The following SORCS2 variants were observed in gnomAD, a reference collection of about 807,000 sequenced individuals.
SORCS2 encodes VPS10 domain-containing receptor SorCS2.
In SORCS2, 100 loss-of-function variants were observed where a neutral mutation model predicts 141.6. The observed-to-expected ratio is 0.71, with a 90% CI of 0.60 to 0.83. The LOEUF (loss-of-function observed/expected upper bound fraction) is 0.83. Among genes scored for constraint, SORCS2 ranks in the 40% least tolerant of loss-of-function variants. SORCS2 has a pLI of 0.00. For missense variants in SORCS2, 1,646 were observed against 1,560.2 expected (o/e 1.05, Z -0.93); for synonymous variants, 789 against 676.9 (o/e 1.17, Z -2.57).
intron 1 of SORCS2, among the ~76,000 whole-genome samples, chr4:7,388,774 A>G (rs1445529005): frequency 6.6e-6 from 1 of 152,208 alleles, no homozygotes; most frequent in Non-Finnish European, 1.5e-5. Context: ...CGGCTCCGAC[A>G]CATCCTTTTT....
chr4:7,207,382 G>A (rs1438768346), intron 1 of SORCS2, among the ~76,000 whole-genome samples: 1 of 152,212 alleles, frequency 6.6e-6, no homozygotes, highest in Non-Finnish European at 1.5e-5. Flanking sequence ...GAGTCACCGG[G>A]CTGCTCTCTG....
At chr4:7,590,060 TA>T (rs1441579284) in intron 3 of SORCS2, among the ~76,000 whole-genome samples, 2 of 152,142 alleles carry the variant, frequency 1.3e-5, no homozygotes, top group African/African-American at 4.8e-5. Context: ...AATGGCTATT[TA>T]TTGCTGTTGC....
At chr4:7,639,561 G>C (rs951750221) in intron 4 of SORCS2, among the ~76,000 whole-genome samples, 1 of 150,746 alleles carries the variant, frequency 6.6e-6, no homozygotes, top group African/African-American at 2.4e-5. Flanking sequence ...GTGTGACTGT[G>C]GGTGCATGTG....
intron 2 of SORCS2, among the ~76,000 whole-genome samples, chr4:7,468,189 T>C (rs971078246): frequency 6.6e-6 from 1 of 152,220 alleles, no homozygotes; most frequent in African/African-American, 2.4e-5. Flanking sequence ...TAAGTACTGA[T>C]TACAAGGCTT....
At chr4:7,576,180 C>G (rs1715738124) in intron 3 of SORCS2, among the ~76,000 whole-genome samples, 1 of 152,214 alleles carries the variant, frequency 6.6e-6, no homozygotes, top group South Asian at 2.1e-4. Context: ...CTCCTTCTGA[C>G]CAAAGCCATG....
At chr4:7,446,073 C>G (rs1000985735) in intron 2 of SORCS2, among the ~76,000 whole-genome samples, 4 of 151,888 alleles carry the variant, frequency 2.6e-5, no homozygotes, top group African/African-American at 9.7e-5. Flanking sequence ...TCCTTCCTTC[C>G]TCCCTGTCTT....
At chr4:7,406,580 T>C (rs1489779385) in intron 2 of SORCS2, among the ~76,000 whole-genome samples, 1 of 151,892 alleles carries the variant, frequency 6.6e-6, no homozygotes, top group East Asian at 1.9e-4. Context: ...TCAGTTGTTA[T>C]GTCTCTTTTT....
intron 1 of SORCS2, among the ~76,000 whole-genome samples, chr4:7,209,807 T>G (rs1049611272): frequency 2.0e-5 from 3 of 152,202 alleles, no homozygotes; most frequent in Admixed American, 1.3e-4. Flanking sequence ...CATCATGGAT[T>G]GCTGACATCT....
At chr4:7,642,386 T>C (rs55703108) in intron 4 of SORCS2, among the ~76,000 whole-genome samples, 4,080 of 152,370 alleles carry the variant, frequency 0.027, 76 homozygotes, top group Non-Finnish European at 0.043. Flanking sequence ...CTCTAATTTA[T>C]GGTGCCCTGA....
At chr4:7,566,195 T>A (rs111161947) in intron 3 of SORCS2, among the ~76,000 whole-genome samples, 1,519 of 151,814 alleles carry the variant, frequency 0.01, 30 homozygotes, top group African/African-American at 0.035. Context: ...TTGATAATGG[T>A]GATGGTGATG....
In SORCS2 at chr4:7,201,305, A is replaced by G. The variant is rs1194160545; in HGVS notation, c.480+8179A>G. ...TGATCAAGAAGCCTGGCTCGAAGTC[A>G]TAGAGACAGCCCTGTTAATAAAGTT... On this transcript the variant is annotated intron_variant, in intron 1 of 26. Transcript: ENST00000507866. The surrounding 1 kb of genome is among the most constrained non-coding windows in gnomAD (Gnocchi z 4.4). 2.6e-5 allele frequency among the ~76,000 whole-genome samples: 4 copies of G among 152,244 alleles called. No individual in the cohort carries two copies. Among genetic ancestry groups the G allele is most frequent in the Admixed American group, 2.0e-4 (3 of 15,280 alleles).
intron 1 of SORCS2, among the ~76,000 whole-genome samples, chr4:7,296,583 G>A (rs1032156881): frequency 6.6e-6 from 1 of 152,218 alleles, no homozygotes; most frequent in Non-Finnish European, 1.5e-5. Context: ...AGGCACCGAT[G>A]GAGGGGTGGC....
chr4:7,539,490 G>A lies in SORCS2; in HGVS notation c.648+7861G>A, dbSNP rs541319165. Among the ~76,000 whole-genome samples, 5 of 152,266 alleles carry A rather than the reference G, an allele frequency of 3.3e-5. No homozygotes were observed. In the East Asian group the frequency reaches 9.7e-4, roughly 29 times the overall value. On this transcript the variant is annotated intron_variant, in intron 3 of 26. Transcript: ENST00000507866. ...ACTTTGTTCTGCTCTTTGTCTGTGG[G>A]TCTCTCTCCCACCCATGTGTAGGGT...
intron 1 of SORCS2, among the ~76,000 whole-genome samples, chr4:7,274,613 G>A (rs7694368): frequency 0.04 from 6,085 of 152,224 alleles, 339 homozygotes; most frequent in African/African-American, 0.12. Context: ...TGGCAGCAAC[G>A]GGGAGATCTG....
intron 2 of SORCS2, among the ~76,000 whole-genome samples, chr4:7,494,034 G>C (rs73798935): frequency 2.2e-4 from 19 of 87,492 alleles, no homozygotes; most frequent in African/African-American, 5.3e-4. Flanking sequence ...CACACACACA[G>C]ACACACACAC....
chr4:7,592,535 G>A (rs556449377), intron 3 of SORCS2, among the ~76,000 whole-genome samples: 23 of 152,328 alleles, frequency 1.5e-4, no homozygotes, highest in African/African-American at 4.3e-4. Context: ...CCAGTGCCAC[G>A]GGGGAGTCAG....
chr4:7,468,821 G>T (rs1184616510), intron 2 of SORCS2, among the ~76,000 whole-genome samples: 1 of 152,194 alleles, frequency 6.6e-6, no homozygotes, highest in Non-Finnish European at 1.5e-5. Flanking sequence ...TTTGGGTCTG[G>T]ACGTTGCATT....
chr4:7,343,936 G>A (rs1720511447), intron 1 of SORCS2, among the ~76,000 whole-genome samples: 1 of 152,208 alleles, frequency 6.6e-6, no homozygotes, highest in African/African-American at 2.4e-5. Context: ...CAGTGCCGGG[G>A]GTGCTTCCTG....
chr4:7,615,904 C>G (rs1006762289), intron 3 of SORCS2, among the ~76,000 whole-genome samples: 1 of 152,200 alleles, frequency 6.6e-6, no homozygotes, highest in Non-Finnish European at 1.5e-5. Flanking sequence ...AAAGGATGCA[C>G]AGTTAAATTT....
Sources: gnomAD v4.1 joint callset for allele counts (sites outside exome capture counted in the v4.1 genomes callset) on GRCh38, gnomAD v4.1.1 for gene constraint, Gnocchi (gnomAD v3.1) non-coding constraint, MANE v1.5 for transcripts, NCBI Gene and HGNC (gene_info 2026-07-23, HGNC 2026-07-21) for gene names.